The following MELK variants were observed in gnomAD, a reference collection of about 807,000 sequenced individuals.
MELK encodes maternal embryonic leucine zipper kinase.
Under a neutral mutation model 85.0 loss-of-function variants are expected in MELK, and 81 were observed. The observed-to-expected ratio is 0.95, with a 90% CI of 0.80 to 1.15. The LOEUF is 1.15. Among genes scored for constraint, MELK ranks in the 50% most tolerant of loss-of-function variants. The pLI is 0.00. For missense variants in MELK, 754 were observed against 777.5 expected, an observed-to-expected ratio of 0.97 and a Z score of 0.36; for synonymous variants, 252 against 265.0, an observed-to-expected ratio of 0.95 and a Z score of 0.48.
chr9:36,660,354 G>A (rs563473359), intron 13 of MELK, among the ~76,000 whole-genome samples: 6 of 151,920 alleles, frequency 3.9e-5, no homozygotes, highest in South Asian at 4.2e-4. Flanking sequence ...ATCTCATTCC[G>A]TCAACCAGGC....
chr9:36,630,370 A>G lies in MELK; in HGVS notation c.735+3A>G, dbSNP rs192058662. ...TGCTTCTTCAACAAATGCTGCAGGT[A>G]AACTTTATTTTTAAATAATAGAAGT... is the stretch of plus-strand genomic sequence containing the variant. On this transcript the variant is annotated splice_donor_region_variant and intron_variant, in intron 9 of 17. Coordinates refer to ENST00000298048, the MANE Select transcript of MELK (RefSeq NM_014791.4). 3.7e-5 allele frequency: 59 copies of G among 1,600,226 alleles called. No homozygotes were observed. The highest frequency in any genetic ancestry group is 3.3e-4 in the Middle Eastern group (2 of 6,034).
intron 7 of MELK, among the ~76,000 whole-genome samples, chr9:36,605,953 T>TAA (rs554431255): frequency 1.6e-5 from 2 of 128,386 alleles, no homozygotes; most frequent in Admixed American, 8.2e-5. Context: ...ACCCTGTCTC[T>TAA]AAAAAAAAAA....
At position 36,657,154 on chromosome 9, in the gene MELK, C is replaced by T. The variant is rs557081200; in HGVS notation, c.1054-87C>T. The T allele has an allele frequency of 1.5e-4, 203 of 1,397,328 alleles. 4 individuals carry two copies. In the South Asian group the frequency reaches 2.7e-3, roughly 19 times the overall value. The allele number at this position is 1,397,328 out of a possible 1,614,324, so 86.6% of individuals were successfully genotyped here. A position where few individuals can be genotyped will look rare whatever the true frequency, so the allele number is the denominator to read the frequency against. ...GCCTAATACATTTCTCAGAATGTGT[C>T]TCTGTCGTTAAGTGACGCGTGACTG... On this transcript the variant is annotated intron_variant, in intron 12 of 17. Coordinates refer to ENST00000298048, the MANE Select transcript of MELK (RefSeq NM_014791.4).
intron 16 of MELK, among the ~76,000 whole-genome samples, chr9:36,673,133 A>C (rs1833041298): frequency 6.6e-6 from 1 of 152,244 alleles, no homozygotes; most frequent in Non-Finnish European, 1.5e-5. Flanking sequence ...TAGATAAATT[A>C]GGATTCATTC....
chr9:36,648,535 AGATGCG>A (rs1407163601), intron 11 of MELK, among the ~76,000 whole-genome samples: 156 of 142,766 alleles, frequency 1.1e-3, no homozygotes, highest in African/African-American at 4.5e-3. Flanking sequence ...AATACAGCTC[AGATGCG>A]GATGATGAAC....
At chr9:36,605,240 G>A (rs1179426815) in intron 7 of MELK, among the ~76,000 whole-genome samples, 3 of 150,406 alleles carry the variant, frequency 2.0e-5, no homozygotes, top group Non-Finnish European at 3.0e-5. Flanking sequence ...ATGGAGTCTC[G>A]CTCTGTTGCC....
chr9:36,665,881 G>A (rs968001380), intron 14 of MELK, among the ~76,000 whole-genome samples: 1 of 152,148 alleles, frequency 6.6e-6, no homozygotes, highest in South Asian at 2.1e-4. Context: ...CTTTTTCACA[G>A]CTAAGAAACC....
intron 15 of MELK, among the ~76,000 whole-genome samples, chr9:36,670,410 T>C (rs1246657949): frequency 1.3e-5 from 2 of 152,082 alleles, no homozygotes; most frequent in Non-Finnish European, 2.9e-5. Flanking sequence ...TATGGTGTTG[T>C]CTTTATGGAA....
chr9:36,609,379 T>TG (rs915547273), intron 8 of MELK, among the ~76,000 whole-genome samples: 6 of 151,806 alleles, frequency 4.0e-5, no homozygotes, highest in African/African-American at 1.5e-4. Context: ...GAACATCTTG[T>TG]GTTCCATAGC....
chr9:36,607,885 C>G (rs1825711427), intron 8 of MELK, among the ~76,000 whole-genome samples: 1 of 152,108 alleles, frequency 6.6e-6, no homozygotes, highest in South Asian at 2.1e-4. Context: ...AGTAGTTTCC[C>G]CTTGTCAGCA....
At chr9:36,602,060 G>C (rs1824983288) in intron 7 of MELK, among the ~76,000 whole-genome samples, 1 of 152,174 alleles carries the variant, frequency 6.6e-6, no homozygotes, top group Admixed American at 6.5e-5. Flanking sequence ...TTCAGATCCT[G>C]CTTTCAATTC....
Position 36,597,430 on chromosome 9 carries a change from A to G in MELK, c.474+140A>G, listed in dbSNP as rs1351371261. On this transcript the variant is annotated intron_variant, in intron 6 of 17. Coordinates refer to ENST00000298048, the MANE Select transcript of MELK (RefSeq NM_014791.4). ...AAGAATGTTAAATTTCATCCCAGGT[A>G]TGGGTAGTTTTTGTAAGTTCTCTAG... 1.3e-5 allele frequency: 10 copies of G among 752,864 alleles called. No homozygotes were observed. The East Asian group carries it at 1.3e-4, about 10-fold the overall frequency. 46.6% of individuals were successfully genotyped at this position (752,864 alleles called of 1,614,324 possible). A position where few individuals can be genotyped will look rare whatever the true frequency, so the allele number is the denominator to read the frequency against.
At chr9:36,657,142 C>T (rs1831329116) in intron 12 of MELK, 99 bp from the exon 13 acceptor site, 1 of 1,342,832 alleles carries the variant, frequency 7.4e-7, no homozygotes, top group Admixed American at 2.6e-5. Flanking sequence ...TAATACATTT[C>T]TCAGAATGTG....
At chr9:36,668,519 C>A (rs12001959) in intron 14 of MELK, among the ~76,000 whole-genome samples, 2,306 of 149,998 alleles carry the variant, frequency 0.015, 50 homozygotes, top group African/African-American at 0.054. Context: ...GCTTACATCT[C>A]TTTTTTTTTC....
At chr9:36,639,007 C>T (rs1026261308) in intron 10 of MELK, among the ~76,000 whole-genome samples, 16 of 152,138 alleles carry the variant, frequency 1.1e-4, no homozygotes, top group Non-Finnish European at 1.5e-5. Flanking sequence ...GCGAGCATTG[C>T]TTATCTGGTG....
chr9:36,580,317 C>T (rs1403764398), intron 1 of MELK, among the ~76,000 whole-genome samples: 2 of 151,544 alleles, frequency 1.3e-5, no homozygotes, highest in East Asian at 1.9e-4. Context: ...CGTGAGCCAC[C>T]GCACCCGGCC....
chr9:36,597,292 T>C lies in MELK; in HGVS notation c.474+2T>C, dbSNP rs1380285684. On this transcript the variant is annotated splice_donor_variant, in intron 6 of 17. Coordinates refer to ENST00000298048, the MANE Select transcript of MELK (RefSeq NM_014791.4). LOFTEE classifies it high-confidence loss of function. ...TTTGGTCTCTGTGCAAAACCCAAGG[T>C]AAGTGCAGAAATAAGATGCATCTAT... is the stretch of plus-strand genomic sequence containing the variant. The C allele has an allele frequency of 1.2e-6, 2 of 1,610,190 alleles. No homozygotes were observed. Among genetic ancestry groups the C allele is most frequent in the Admixed American group, 1.7e-5 (1 of 59,922 alleles).
At chr9:36,630,176 T>C in intron 8 of MELK, 123 bp from the exon 9 acceptor site, 1 of 749,670 alleles carries the variant, frequency 1.3e-6, no homozygotes, top group East Asian at 2.5e-5. Context: ...TAATAATGTT[T>C]ACCAAGTATT....
intron 4 of MELK, among the ~76,000 whole-genome samples, chr9:36,594,034 T>G (rs1463694235): frequency 6.6e-6 from 1 of 152,156 alleles, no homozygotes; most frequent in Non-Finnish European, 1.5e-5. Context: ...TGTGGAACTG[T>G]GAGGTCAAGT....
Sources: allele counts gnomAD v4.1 joint callset (sites outside exome capture counted in the v4.1 genomes callset), GRCh38; gene constraint gnomAD v4.1.1; transcripts MANE v1.5; gene names NCBI Gene and HGNC (gene_info 2026-07-23, HGNC 2026-07-21).